The following GPC3 variants were observed in gnomAD, a reference collection of about 807,000 sequenced individuals.
The protein encoded by GPC3 is glypican-3.
A neutral mutation model predicts 34.4 loss-of-function variants in GPC3; 3 were observed. That is an observed-to-expected ratio of 0.09 (90% CI 0.04 to 0.23). GPC3 has a LOEUF of 0.23. Ranked by LOEUF, GPC3 falls within the 10% of genes least tolerant of loss-of-function variation. The probability of loss-of-function intolerance (pLI) is 1.00; values close to 1 mark genes in which losing one functional copy is unlikely to be tolerated. For synonymous variants in GPC3, 177 were observed against 174.0 expected (o/e 1.02, Z -0.13); for missense variants, 351 against 445.6 (o/e 0.79, Z 1.91).
intron 1 of GPC3, among the ~76,000 whole-genome samples, chrX:133,983,141 T>C (rs940212955): frequency 1.8e-5 from 2 of 111,919 alleles, no homozygotes; most frequent in African/African-American, 6.5e-5. Context: ...GGGATCACCA[T>C]ATTTGAAGTT....
At position 133,692,377 on chromosome X, in the gene GPC3, G is replaced by A. The variant is rs2124430679; in HGVS notation, c.1284C>T (p.Leu428=). The A allele has an allele frequency of 5.8e-6, 7 of 1,210,906 alleles. No homozygotes were observed. The highest frequency in any genetic ancestry group is 7.8e-6 in the Non-Finnish European group (7 of 894,425). The change falls in exon 5 of 8, where the codon CTC becomes CTT. Residue 428 remains leucine (L), a synonymous_variant. Transcript: ENST00000370818. ...NDTLCWNGQE[L]VERYSQKAAR... Reference sequence around the variant, plus strand: ...CTTTCAAAAAAGATCACCTCTCCACGAGTTCTTGTCCATTCCAGCAAAGGG... The same window carrying A: ...CTTTCAAAAAAGATCACCTCTCCACAAGTTCTTGTCCATTCCAGCAAAGGG...
chrX:133,865,587 G>C (rs1218522821), intron 2 of GPC3, among the ~76,000 whole-genome samples: 1 of 111,947 alleles, frequency 8.9e-6, no homozygotes, highest in Non-Finnish European at 1.9e-5. Flanking sequence ...TCTATACAAA[G>C]TTTGCTTACT....
chrX:133,772,941 T>A (rs2071938454), intron 2 of GPC3, among the ~76,000 whole-genome samples: 1 of 111,705 alleles, frequency 9.0e-6, no homozygotes, highest in African/African-American at 3.3e-5. Flanking sequence ...CTCTAATGCC[T>A]GATATGGGAG....
At chrX:133,576,578 TATTTA>T (rs749462857) in intron 7 of GPC3, among the ~76,000 whole-genome samples, 44 of 111,187 alleles carry the variant, frequency 4.0e-4, no homozygotes, top group African/African-American at 1.3e-3. Flanking sequence ...TTGGGCAAGT[TATTTA>T]ATTTAACTCT....
intron 2 of GPC3, among the ~76,000 whole-genome samples, chrX:133,811,884 G>C (rs1315446978): frequency 2.7e-5 from 3 of 111,727 alleles, no homozygotes; most frequent in Non-Finnish European, 5.6e-5. Flanking sequence ...TAACTTGGGG[G>C]CTACTTAAAA....
At chrX:133,631,999 T>C (rs1408383533) in intron 6 of GPC3, among the ~76,000 whole-genome samples, 1 of 111,491 alleles carries the variant, frequency 9.0e-6, no homozygotes, top group Non-Finnish European at 1.9e-5. Context: ...AATGTGTGTG[T>C]GTGCATGCAT....
chrX:133,864,771 G>GT (rs1197555585), intron 2 of GPC3, among the ~76,000 whole-genome samples: 2 of 112,934 alleles, frequency 1.8e-5, no homozygotes, highest in Non-Finnish European at 3.7e-5. Context: ...ATGCAAGGAG[G>GT]TTTCTTATTC....
At chrX:133,864,764 CAAG>C (rs1169122323) in intron 2 of GPC3, among the ~76,000 whole-genome samples, 1 of 112,929 alleles carries the variant, frequency 8.9e-6, no homozygotes, top group Non-Finnish European at 1.9e-5. Flanking sequence ...ATTCATGATG[CAAG>C]GAGGTTTCTT....
chrX:133,947,937 C>A (rs2076376054), intron 2 of GPC3, among the ~76,000 whole-genome samples: 1 of 111,328 alleles, frequency 9.0e-6, no homozygotes, highest in South Asian at 3.8e-4. Flanking sequence ...TATTCTCTCC[C>A]ATACATTATT....
intron 2 of GPC3, among the ~76,000 whole-genome samples, chrX:133,927,004 G>A (rs997649003): frequency 9.0e-6 from 1 of 110,772 alleles, no homozygotes; most frequent in Non-Finnish European, 1.9e-5. Context: ...AGTGAACTAC[G>A]GAAAGGACTG....
chrX:133,782,870 T>C (rs2072062805), intron 2 of GPC3, among the ~76,000 whole-genome samples: 1 of 111,480 alleles, frequency 9.0e-6, no homozygotes, highest in South Asian at 3.8e-4. Flanking sequence ...GAATAGGTAT[T>C]ACATCTATGC....
chrX:133,610,132 C>T (rs995455506), intron 6 of GPC3, among the ~76,000 whole-genome samples: 1 of 111,958 alleles, frequency 8.9e-6, no homozygotes, highest in Non-Finnish European at 1.9e-5. Flanking sequence ...CTAATTTGTA[C>T]TCAGTGTTGG....
chrX:133,925,941 C>A (rs781266864), intron 2 of GPC3, among the ~76,000 whole-genome samples: 1 of 111,286 alleles, frequency 9.0e-6, no homozygotes, highest in Non-Finnish European at 1.9e-5. Flanking sequence ...GAACTAGCAA[C>A]TAAAGCTAAC....
At chrX:133,594,201 G>C (rs1255270182) in intron 7 of GPC3, among the ~76,000 whole-genome samples, 1 of 112,443 alleles carries the variant, frequency 8.9e-6, no homozygotes, top group African/African-American at 3.2e-5. Flanking sequence ...AAGGGCAAGA[G>C]AGAAGAAGCA....
At chrX:133,545,600 A>G (rs1219193526) in intron 7 of GPC3, among the ~76,000 whole-genome samples, 1 of 111,456 alleles carries the variant, frequency 9.0e-6, no homozygotes, top group South Asian at 3.8e-4. Flanking sequence ...GAAATGAGGC[A>G]TTTGCCACCC....
intron 2 of GPC3, among the ~76,000 whole-genome samples, chrX:133,761,710 T>C (rs916729345): frequency 4.0e-4 from 45 of 111,823 alleles, no homozygotes; most frequent in African/African-American, 1.4e-3. Flanking sequence ...CTCTAACTAC[T>C]AGAAAATGTA....
chrX:133,763,571 T>G, intron 2 of GPC3: 1 of 581,588 alleles, frequency 1.7e-6, no homozygotes, highest in Non-Finnish European at 3.0e-6. Flanking sequence ...TCTGTGCCTA[T>G]TCAGCAGTTC....
intron 6 of GPC3, among the ~76,000 whole-genome samples, chrX:133,634,111 A>T (rs1221399657): frequency 8.9e-6 from 1 of 112,046 alleles, no homozygotes; most frequent in Non-Finnish European, 1.9e-5. Flanking sequence ...GGAAATGCAA[A>T]TTAAAACCAC....
At position 133,626,370 on chromosome X, in the gene GPC3, G is replaced by T. The variant is rs138556079; in HGVS notation, c.1414-29771C>A. ...TAACAAAAGAAACTATCATCAGAGT[G>T]AACAGAAACCTACAGAATGGGAGAA... On this transcript the variant is annotated intron_variant, in intron 6 of 7. Coordinates refer to ENST00000370818, the MANE Select transcript of GPC3 (RefSeq NM_004484.4). Among the ~76,000 whole-genome samples the T allele has an allele frequency of 7.3e-3, 812 of 111,170 alleles. 8 individuals are homozygous for T. Among genetic ancestry groups the T allele is most frequent in the African/African-American group, 0.025 (772 of 30,589 alleles).
Sources: gnomAD v4.1 joint callset for allele counts (sites outside exome capture counted in the v4.1 genomes callset) on GRCh38, gnomAD v4.1.1 for gene constraint, MANE v1.5 for transcripts, NCBI Gene and HGNC (gene_info 2026-07-23, HGNC 2026-07-21) for gene names.